The following PDIA5 variants were observed in gnomAD, a reference collection of about 807,000 sequenced individuals.
PDIA5 encodes the protein protein disulfide-isomerase A5.
In PDIA5, 58 loss-of-function variants were observed where a neutral mutation model predicts 77.6. The ratio of observed to expected loss-of-function variants is 0.75; its 90% CI spans 0.61 to 0.93. The LOEUF (loss-of-function observed/expected upper bound fraction) is 0.93, where lower values mean the gene tolerates loss of function less well. Ranked by LOEUF, PDIA5 falls within the 40% of genes least tolerant of loss-of-function variation. The pLI is 0.00. For synonymous variants in PDIA5, 250 were observed against 252.1 expected (o/e 0.99, Z 0.08); for missense variants, 630 against 647.7 (o/e 0.97, Z 0.30).
At chr3:123,071,146 A>G (rs927239012) in intron 1 of PDIA5, among the ~76,000 whole-genome samples, 45 of 152,228 alleles carry the variant, frequency 3.0e-4, no homozygotes, top group African/African-American at 1.7e-4. Context: ...ATTTAAAAAT[A>G]TATATATTCT....
chr3:123,154,743 G>A (rs1334649233), intron 14 of PDIA5, among the ~76,000 whole-genome samples: 1 of 152,192 alleles, frequency 6.6e-6, no homozygotes, highest in Non-Finnish European at 1.5e-5. Context: ...CTGGGCAGGA[G>A]CATATGATGC....
At chr3:123,095,359 T>G (rs1309847019) in intron 3 of PDIA5, among the ~76,000 whole-genome samples, 2 of 152,118 alleles carry the variant, frequency 1.3e-5, no homozygotes, top group African/African-American at 4.8e-5. Context: ...GTTTACTGGG[T>G]GAGGATCCCT....
chr3:123,150,302 G>A lies in PDIA5; in HGVS notation c.1211G>A (p.Gly404Glu). ...EQQTSVLHLV[G>E]DNFRETLKKK... is the part of the protein sequence containing the mutation. ...CAGACAAGCGTGTTGCACCTGGTGG[G>A]GGACAACTTCCGGGAGACCCTGAAG... The change falls in exon 14 of 17, where the codon GGG becomes GAG. Residue 404 changes from glycine to glutamate, a missense_variant. Physicochemically the swap from Gly to Glu is moderately conservative, Grantham distance 98. Coordinates refer to ENST00000316218, the MANE Select transcript of PDIA5 (RefSeq NM_006810.4). The A allele has an allele frequency of 1.9e-6, 3 of 1,613,850 alleles. No individual in the cohort carries two copies. Among genetic ancestry groups the A allele is most frequent in the South Asian group, 1.1e-5 (1 of 91,080 alleles).
chr3:123,146,353 T>C (rs1935773034), intron 13 of PDIA5, 94 bp downstream of exon 13: 1 of 1,070,586 alleles, frequency 9.3e-7, no homozygotes, highest in Middle Eastern at 2.1e-4. Context: ...ATGGTCAATG[T>C]CCTGGGCTCA....
intron 11 of PDIA5, 145 bp downstream of exon 11, chr3:123,130,761 G>A (rs1412031653): frequency 7.0e-6 from 6 of 853,456 alleles, no homozygotes; most frequent in Non-Finnish European, 1.1e-5. Flanking sequence ...GTGGTGACAG[G>A]CGAGGTCCCC....
At chr3:123,127,207 A>G (rs1935260994) in intron 10 of PDIA5, among the ~76,000 whole-genome samples, 2 of 152,174 alleles carry the variant, frequency 1.3e-5, no homozygotes, top group South Asian at 4.1e-4. Flanking sequence ...TCCCAGTCCT[A>G]GAGAGCCTGG....
At chr3:123,114,411 T>C (rs894310585) in intron 7 of PDIA5, among the ~76,000 whole-genome samples, 6 of 152,138 alleles carry the variant, frequency 3.9e-5, no homozygotes, top group Admixed American at 3.3e-4. Flanking sequence ...CTGCAGGCAC[T>C]GAATGTTCCC....
chr3:123,114,694 C>CT (rs1032685573), intron 7 of PDIA5, among the ~76,000 whole-genome samples: 3 of 152,240 alleles, frequency 2.0e-5, no homozygotes, highest in African/African-American at 7.2e-5. Context: ...AACAATGCCC[C>CT]TGACAAGTGT....
chr3:123,155,008 T>C lies in PDIA5; in HGVS notation c.1311T>C (p.Thr437=). ...PHCKKVIPHF[T]ATADAFKDDR... Reference sequence around the variant, plus strand: ...GTAAGAAGGTCATTCCGCACTTTACTGCTACTGCTGATGCCTTCAAAGATG... The same window carrying C: ...GTAAGAAGGTCATTCCGCACTTTACCGCTACTGCTGATGCCTTCAAAGATG... Residue 437 remains threonine (T), a synonymous_variant, in exon 15 of 17, where the codon ACT becomes ACC. Coordinates refer to ENST00000316218, the MANE Select transcript of PDIA5 (RefSeq NM_006810.4). 1 of 1,612,818 alleles carries C rather than the reference T, an allele frequency of 6.2e-7. No homozygotes were observed. The highest frequency in any genetic ancestry group is 8.5e-7 in the Non-Finnish European group (1 of 1,178,792).
intron 11 of PDIA5, among the ~76,000 whole-genome samples, chr3:123,136,725 C>CAAAAAAAA (rs59022235): frequency 2.8e-5 from 2 of 71,530 alleles, no homozygotes; most frequent in African/African-American, 5.5e-5. Flanking sequence ...GGTGACAAGA[C>CAAAAAAAA]AAAAAAAAAA....
intron 11 of PDIA5, among the ~76,000 whole-genome samples, chr3:123,144,025 G>A (rs1199172250): frequency 6.6e-6 from 1 of 152,184 alleles, no homozygotes; most frequent in Non-Finnish European, 1.5e-5. Context: ...ATGAGCTGAG[G>A]AAGCCAGGTA....
At chr3:123,085,432 G>C (rs1362868789) in intron 1 of PDIA5, among the ~76,000 whole-genome samples, 1 of 152,196 alleles carries the variant, frequency 6.6e-6, no homozygotes, top group Non-Finnish European at 1.5e-5. Context: ...TTCTGGTTGG[G>C]CTTAACTTCT....
Position 123,099,072 on chromosome 3 carries a change from C to T in PDIA5, c.258-3339C>T, listed in dbSNP as rs577370634. 1.5e-4 allele frequency among the ~76,000 whole-genome samples: 22 copies of T among 151,542 alleles called. No individual in the cohort carries two copies. In the East Asian group the frequency reaches 3.5e-3, roughly 24 times the overall value. Reference sequence around the variant, plus strand: ...ACATGCTTGCGCACACACACACACACACACTACTCACACTTATACATTTTG... The same window carrying T: ...ACATGCTTGCGCACACACACACACATACACTACTCACACTTATACATTTTG... On this transcript the variant is annotated intron_variant, in intron 3 of 16. Transcript: ENST00000316218.
intron 1 of PDIA5, among the ~76,000 whole-genome samples, chr3:123,087,648 T>C (rs1013180106): frequency 6.6e-5 from 10 of 152,234 alleles, no homozygotes; most frequent in Admixed American, 3.3e-4. Context: ...TCTGTTCTTT[T>C]AATTTTCTTT....
chr3:123,088,984 G>A (rs1934212445), intron 1 of PDIA5, 184 bp from the exon 2 acceptor site: 1 of 529,492 alleles, frequency 1.9e-6, no homozygotes, highest in Non-Finnish European at 3.3e-6. Flanking sequence ...GAGGGGAAGG[G>A]AGACTGGGAG....
chr3:123,137,699 G>A (rs112723194), intron 11 of PDIA5, among the ~76,000 whole-genome samples: 7 of 152,192 alleles, frequency 4.6e-5, no homozygotes, highest in East Asian at 1.9e-4. Context: ...GTCAAGAAAC[G>A]TGCCAAAGGT....
At chr3:123,125,189 A>G (rs1396322215) in intron 10 of PDIA5, among the ~76,000 whole-genome samples, 3 of 152,104 alleles carry the variant, frequency 2.0e-5, no homozygotes, top group African/African-American at 7.2e-5. Flanking sequence ...GTGTGTCACG[A>G]GTTTGGCACT....
intron 1 of PDIA5, among the ~76,000 whole-genome samples, chr3:123,068,591 C>T (rs1207241879): frequency 6.6e-6 from 1 of 152,212 alleles, no homozygotes; most frequent in African/African-American, 2.4e-5. Context: ...TGCACTTGGG[C>T]TGAGTAGGAG....
intron 11 of PDIA5, among the ~76,000 whole-genome samples, chr3:123,136,427 A>G (rs764870027): frequency 2.0e-5 from 3 of 152,046 alleles, no homozygotes; most frequent in Non-Finnish European, 4.4e-5. Context: ...CTCCTTCCGC[A>G]GTGCTTCTAC....
Sources: gnomAD v4.1 joint callset for allele counts (sites outside exome capture counted in the v4.1 genomes callset) on GRCh38, gnomAD v4.1.1 for gene constraint, MANE v1.5 for transcripts, NCBI Gene and HGNC (gene_info 2026-07-23, HGNC 2026-07-21) for gene names.